The following RAD18 variants were observed in gnomAD, a reference collection of about 807,000 sequenced individuals.
The protein encoded by RAD18 is E3 ubiquitin-protein ligase RAD18.
Under a neutral mutation model 60.4 loss-of-function variants are expected in RAD18, and 47 were observed. The observed-to-expected ratio is 0.78, with a 90% CI of 0.62 to 0.99. The LOEUF is 0.99. RAD18 is among the 50% of genes least tolerant of loss of function. The probability of loss-of-function intolerance (pLI) is 0.00; values close to 1 mark genes in which losing one functional copy is unlikely to be tolerated. For missense variants in RAD18, 640 were observed against 593.3 expected (o/e 1.08, Z -0.82); for synonymous variants, 225 against 195.5 (o/e 1.15, Z -1.26).
chr3:8,917,928 T>A (rs978539658), intron 7 of RAD18, among the ~76,000 whole-genome samples: 78 of 152,130 alleles, frequency 5.1e-4, no homozygotes, highest in Admixed American at 5.1e-3. Flanking sequence ...TGGAAAGAGA[T>A]GTCTCATGTA....
intron 7 of RAD18, among the ~76,000 whole-genome samples, chr3:8,919,574 A>ACATG (rs1227553709): frequency 6.6e-6 from 1 of 152,268 alleles, no homozygotes; most frequent in African/African-American, 2.4e-5. Context: ...ATATATGCAT[A>ACATG]CATGCATGTG....
intron 2 of RAD18, among the ~76,000 whole-genome samples, chr3:8,955,003 T>G (rs1559801828): frequency 6.6e-6 from 1 of 152,138 alleles, no homozygotes; most frequent in African/African-American, 2.4e-5. Context: ...TCCACTGACT[T>G]CCTCTTAAAG....
chr3:8,947,188 A>T (rs779384938), intron 4 of RAD18, 32 bp downstream of exon 4: 6 of 1,511,952 alleles, frequency 4.0e-6, no homozygotes, highest in Non-Finnish European at 5.5e-6. Flanking sequence ...AGGCAAAAGT[A>T]GTTAGAGGTT....
intron 7 of RAD18, among the ~76,000 whole-genome samples, chr3:8,923,257 C>T (rs769318574): frequency 6.6e-6 from 1 of 152,138 alleles, no homozygotes; most frequent in South Asian, 2.1e-4. Flanking sequence ...ACAAAAACTA[C>T]GTGACGAATG....
chr3:8,897,155 G>C (rs927458024), intron 11 of RAD18, among the ~76,000 whole-genome samples: 1 of 152,066 alleles, frequency 6.6e-6, no homozygotes, highest in Non-Finnish European at 1.5e-5. Flanking sequence ...GCTACAACTA[G>C]ACACTAAACC....
At chr3:8,903,764 T>A (rs1442510959) in intron 9 of RAD18, among the ~76,000 whole-genome samples, 1 of 152,220 alleles carries the variant, frequency 6.6e-6, no homozygotes, top group Non-Finnish European at 1.5e-5. Flanking sequence ...ATAAATCCTA[T>A]AAAATTTTTA....
chr3:8,951,634 A>G (rs967802044), intron 2 of RAD18, among the ~76,000 whole-genome samples: 5 of 152,228 alleles, frequency 3.3e-5, no homozygotes, highest in African/African-American at 1.2e-4. Flanking sequence ...TACAAAAATA[A>G]TAACGAAGTA....
chr3:8,958,503 A>G (rs1223554145), intron 2 of RAD18, among the ~76,000 whole-genome samples: 2 of 152,244 alleles, frequency 1.3e-5, no homozygotes, highest in African/African-American at 2.4e-5. Flanking sequence ...CAGTGGTAGA[A>G]TTCTCCCACT....
intron 12 of RAD18, among the ~76,000 whole-genome samples, chr3:8,883,162 CAT>C (rs1553623571): frequency 3.9e-5 from 6 of 152,118 alleles, no homozygotes; most frequent in Admixed American, 6.5e-5. Context: ...AATGGCATAA[CAT>C]GTGTATAACT....
At chr3:8,891,075 A>AATAT (rs71049753) in intron 11 of RAD18, among the ~76,000 whole-genome samples, 70 of 25,968 alleles carry the variant, frequency 2.7e-3, no homozygotes, top group South Asian at 0.012. Context: ...ATATATATAA[A>AATAT]ATATATATAT....
chr3:8,940,372 A>G (rs567149110), intron 5 of RAD18, among the ~76,000 whole-genome samples: 1 of 152,212 alleles, frequency 6.6e-6, no homozygotes, highest in Non-Finnish European at 1.5e-5. Flanking sequence ...AAAACAGTTA[A>G]CCATCAAGCT....
At chr3:8,945,312 C>G (rs1940820723) in intron 4 of RAD18, among the ~76,000 whole-genome samples, 1 of 152,066 alleles carries the variant, frequency 6.6e-6, no homozygotes, top group Non-Finnish European at 1.5e-5. Flanking sequence ...TAAGGTACCT[C>G]ATAGAATGTT....
intron 12 of RAD18, among the ~76,000 whole-genome samples, chr3:8,881,925 G>A (rs1038261206): frequency 3.3e-5 from 5 of 152,302 alleles, no homozygotes; most frequent in Middle Eastern, 3.4e-3. Context: ...TGGAGAACGA[G>A]GTGGCTGCCA....
chr3:8,940,951 C>A (rs745399714), intron 5 of RAD18, among the ~76,000 whole-genome samples: 32 of 152,264 alleles, frequency 2.1e-4, no homozygotes, highest in Non-Finnish European at 4.6e-4. Context: ...AGGTGGCAAG[C>A]CAGATTAGAT....
intron 7 of RAD18, among the ~76,000 whole-genome samples, chr3:8,923,545 A>C (rs537958189): frequency 2.0e-5 from 3 of 152,198 alleles, no homozygotes; most frequent in Admixed American, 6.5e-5. Flanking sequence ...CAACATTCAC[A>C]TTCAGGAAAT....
chr3:8,949,861 C>T (rs1940901512), intron 2 of RAD18, among the ~76,000 whole-genome samples: 1 of 152,174 alleles, frequency 6.6e-6, no homozygotes, highest in African/African-American at 2.4e-5. Context: ...GGAACCCTGT[C>T]ATTGCAGGCA....
At chr3:8,898,242 A>G (rs1469412331) in intron 11 of RAD18, among the ~76,000 whole-genome samples, 2 of 152,172 alleles carry the variant, frequency 1.3e-5, no homozygotes, top group Non-Finnish European at 2.9e-5. Flanking sequence ...AAAAATAACA[A>G]TTATAAACAT....
intron 12 of RAD18, among the ~76,000 whole-genome samples, chr3:8,884,064 T>A (rs1277105553): frequency 3.3e-5 from 5 of 152,058 alleles, no homozygotes; most frequent in Non-Finnish European, 5.9e-5. Flanking sequence ...TAAGTAAAAA[T>A]TCTCTGGGAA....
chr3:8,939,710 A>G, intron 5 of RAD18, 57 bp from the exon 6 acceptor site: 1 of 1,393,720 alleles, frequency 7.2e-7, no homozygotes, highest in Non-Finnish European at 1.0e-6. Flanking sequence ...GGGCAAAAGT[A>G]TGTAAACTGG....
Sources: allele counts gnomAD v4.1 joint callset (sites outside exome capture counted in the v4.1 genomes callset), GRCh38; gene constraint gnomAD v4.1.1; transcripts MANE v1.5; gene names NCBI Gene and HGNC (gene_info 2026-07-23, HGNC 2026-07-21).